The following SPAG16 variants were observed in gnomAD, a reference collection of about 807,000 sequenced individuals.
The protein encoded by SPAG16 is sperm-associated antigen 16 protein.
A neutral mutation model predicts 80.4 loss-of-function variants in SPAG16; 86 were observed. That is an observed-to-expected ratio of 1.07 (90% confidence interval 0.90 to 1.28). The LOEUF is 1.28. SPAG16 is among the 50% of genes most tolerant of loss of function. The pLI is 0.00. For missense variants in SPAG16, 870 were observed against 765.3 expected, an observed-to-expected ratio of 1.14 and a Z score of -1.61; for synonymous variants, 294 against 265.9, an observed-to-expected ratio of 1.11 and a Z score of -1.03.
chr2:213,585,272 T>C (rs565791695), intron 10 of SPAG16, among the ~76,000 whole-genome samples: 25 of 114,894 alleles, frequency 2.2e-4, no homozygotes, highest in Non-Finnish European at 3.5e-4. Context: ...TACATATGAA[T>C]GATGAAAGAT....
At chr2:214,253,709 T>G (rs1282208110) in intron 15 of SPAG16, among the ~76,000 whole-genome samples, 1 of 152,152 alleles carries the variant, frequency 6.6e-6, no homozygotes, top group East Asian at 1.9e-4. Context: ...TGCTGTACAC[T>G]CATAGTATAG....
chr2:213,500,191 C>T (rs2074677354), intron 10 of SPAG16, among the ~76,000 whole-genome samples: 1 of 152,108 alleles, frequency 6.6e-6, no homozygotes, highest in South Asian at 2.1e-4. Flanking sequence ...AACTCAGTAA[C>T]AAATATAAAT....
At chr2:214,060,110 G>A (rs1270914288) in intron 13 of SPAG16, among the ~76,000 whole-genome samples, 1 of 152,116 alleles carries the variant, frequency 6.6e-6, no homozygotes, top group Non-Finnish European at 1.5e-5. Context: ...ACTACACAAA[G>A]CCAGTGTGCC....
chr2:214,160,192 T>G (rs951013109), intron 15 of SPAG16, among the ~76,000 whole-genome samples: 1 of 131,230 alleles, frequency 7.6e-6, no homozygotes, highest in African/African-American at 2.4e-5. Flanking sequence ...AGATGGGCAT[T>G]CCTATAATAT....
Position 214,255,381 on chromosome 2 carries a change from A to AAT in SPAG16, c.1720+106116_1720+106117dup, listed in dbSNP as rs376106600. 1.7e-3 allele frequency among the ~76,000 whole-genome samples: 261 copies of AAT among 152,106 alleles called. 1 individual carries two copies. Among genetic ancestry groups the AAT allele is most frequent in the African/African-American group, 6.0e-3 (248 of 41,552 alleles). On this transcript the variant is annotated intron_variant, in intron 15 of 15. Coordinates refer to ENST00000331683, the MANE Select transcript of SPAG16 (RefSeq NM_024532.5). ...ACGTAAAGAAATGTTGAAAAATGTTAATGCTGAGTAGCCATCTCCCACCAC... is the reference window on the plus strand; with the variant it reads ...ACGTAAAGAAATGTTGAAAAATGTTAATATGCTGAGTAGCCATCTCCCACCAC...
intron 10 of SPAG16, among the ~76,000 whole-genome samples, chr2:213,647,047 TGAAAA>T (rs2062846769): frequency 1.3e-5 from 2 of 151,856 alleles, no homozygotes; most frequent in Non-Finnish European, 2.9e-5. Context: ...AAAAAGAATA[TGAAAA>T]GAAAAGAAAT....
At chr2:214,047,387 C>T (rs1339337415) in intron 13 of SPAG16, among the ~76,000 whole-genome samples, 1 of 151,992 alleles carries the variant, frequency 6.6e-6, no homozygotes, top group African/African-American at 2.4e-5. Context: ...GAAACAAATC[C>T]ACACACCTAC....
intron 10 of SPAG16, among the ~76,000 whole-genome samples, chr2:213,839,983 A>G (rs533245799): frequency 2.2e-4 from 33 of 152,322 alleles, no homozygotes; most frequent in Admixed American, 2.0e-3. Flanking sequence ...CATTCTCTGG[A>G]AAGAGAAAGC....
intron 11 of SPAG16, among the ~76,000 whole-genome samples, chr2:213,893,060 A>T (rs1253457663): frequency 1.3e-5 from 2 of 152,144 alleles, no homozygotes; most frequent in Non-Finnish European, 2.9e-5. Context: ...CCAAAAACAG[A>T]AAAAGAAAAG....
intron 10 of SPAG16, among the ~76,000 whole-genome samples, chr2:213,812,445 G>A (rs753866986): frequency 4.6e-5 from 7 of 152,176 alleles, no homozygotes; most frequent in Non-Finnish European, 1.0e-4. Flanking sequence ...ATAAGGACAG[G>A]AAATCTAATA....
At chr2:213,946,430 C>G (rs2079477159) in intron 12 of SPAG16, among the ~76,000 whole-genome samples, 1 of 152,118 alleles carries the variant, frequency 6.6e-6, no homozygotes, top group South Asian at 2.1e-4. Flanking sequence ...GAAATTTTTG[C>G]AAATTGATTG....
At chr2:213,856,824 A>G (rs1004732319) in intron 10 of SPAG16, among the ~76,000 whole-genome samples, 3 of 145,202 alleles carry the variant, frequency 2.1e-5, no homozygotes, top group Non-Finnish European at 4.6e-5. Context: ...TTTTGAGGAA[A>G]GAAGCTATCT....
chr2:214,062,876 A>G lies in SPAG16; in HGVS notation c.1528-45320A>G, dbSNP rs949377688. ...CGCTTTTCTTCTGACAACATCTCCT[A>G]TGATTCTCCTAGCTCAGCACTGTCT... is the stretch of plus-strand genomic sequence containing the variant. On this transcript the variant is annotated intron_variant, in intron 13 of 15. Coordinates refer to ENST00000331683, the MANE Select transcript of SPAG16 (RefSeq NM_024532.5). 7.2e-5 allele frequency among the ~76,000 whole-genome samples: 11 copies of G among 152,188 alleles called. No individual in the cohort carries two copies. In the South Asian group the frequency reaches 1.2e-3, roughly 17 times the overall value.
At chr2:213,367,086 T>C (rs1040229606) in intron 8 of SPAG16, among the ~76,000 whole-genome samples, 2 of 152,274 alleles carry the variant, frequency 1.3e-5, no homozygotes, top group African/African-American at 2.4e-5. Context: ...TGGTTTCCAG[T>C]TTCATCCATG....
intron 10 of SPAG16, among the ~76,000 whole-genome samples, chr2:213,597,445 A>G (rs1334253544): frequency 6.6e-6 from 1 of 152,186 alleles, no homozygotes; most frequent in Non-Finnish European, 1.5e-5. Context: ...ACAACATTTC[A>G]AAATAATTTA....
chr2:213,506,440 G>A (rs2074972126), intron 10 of SPAG16, among the ~76,000 whole-genome samples: 1 of 152,094 alleles, frequency 6.6e-6, no homozygotes, highest in African/African-American at 2.4e-5. Flanking sequence ...TTTATCCCAA[G>A]TGTGTCAAGT....
At chr2:213,368,894 C>G (rs1024294387) in intron 8 of SPAG16, among the ~76,000 whole-genome samples, 4 of 152,170 alleles carry the variant, frequency 2.6e-5, no homozygotes, top group Non-Finnish European at 5.9e-5. Flanking sequence ...CTACAAACCA[C>G]TGCTCAATGA....
At chr2:213,847,471 G>A (rs2074687135) in intron 10 of SPAG16, among the ~76,000 whole-genome samples, 3 of 152,116 alleles carry the variant, frequency 2.0e-5, no homozygotes, top group Admixed American at 2.0e-4. Context: ...GAGAAAGACT[G>A]AAGGAGGGAG....
chr2:214,326,829 C>T lies in SPAG16; in HGVS notation c.1721-83311C>T, dbSNP rs58203527. Among the ~76,000 whole-genome samples the T allele has an allele frequency of 1.4e-3, 214 of 151,254 alleles. 1 individual carries two copies. Among genetic ancestry groups the T allele is most frequent in the African/African-American group, 4.9e-3 (203 of 41,172 alleles). Reference sequence around the variant, plus strand: ...GCGTGGTGGCGGGCGCCTGTGGTCCCAGCTACTTGGGAGGCTGAGGCAGGA... The same window carrying T: ...GCGTGGTGGCGGGCGCCTGTGGTCCTAGCTACTTGGGAGGCTGAGGCAGGA... On this transcript the variant is annotated intron_variant, in intron 15 of 15. Coordinates refer to ENST00000331683, the MANE Select transcript of SPAG16 (RefSeq NM_024532.5).
Sources: gnomAD v4.1 joint callset for allele counts (sites outside exome capture counted in the v4.1 genomes callset) on GRCh38, gnomAD v4.1.1 for gene constraint, MANE v1.5 for transcripts, NCBI Gene and HGNC (gene_info 2026-07-23, HGNC 2026-07-21) for gene names.